Variants in ASXL2 observed in about 807,000 individuals in gnomAD.
ASXL2 encodes the protein ASXL transcriptional regulator 2, also known as putative Polycomb group protein ASXL2.
In ASXL2, 23 loss-of-function variants were observed where a neutral mutation model predicts 122.0. The observed-to-expected ratio is 0.19, with a 90% CI of 0.14 to 0.27. The LOEUF (loss-of-function observed/expected upper bound fraction) is 0.27, where lower values mean the gene tolerates loss of function less well. Ranked by LOEUF, ASXL2 falls within the 10% of genes least tolerant of loss-of-function variation. The pLI is 1.00. For synonymous variants in ASXL2, 650 were observed against 637.0 expected (o/e 1.02, Z -0.31); for missense variants, 1,518 against 1,713.8 (o/e 0.89, Z 2.02).
At chr2:25,788,088 T>C (rs1016666624) in intron 5 of ASXL2, among the ~76,000 whole-genome samples, 1 of 152,166 alleles carries the variant, frequency 6.6e-6, no homozygotes, top group African/African-American at 2.4e-5. Context: ...AATTGACTTA[T>C]GACAGAGAAC....
intron 4 of ASXL2, among the ~76,000 whole-genome samples, chr2:25,803,694 T>C (rs77905106): frequency 0.012 from 1,769 of 152,312 alleles, 29 homozygotes; most frequent in African/African-American, 0.04. Flanking sequence ...GTGCATGACC[T>C]AGATCCCTCA....
Position 25,739,737 on chromosome 2 carries a change from A to T in ASXL2, c.*2292T>A, listed in dbSNP as rs1226431721. The T allele has an allele frequency of 4.7e-6, 1 of 214,664 alleles. No individual in the cohort carries two copies. The highest frequency in any genetic ancestry group is 2.3e-5 in the African/African-American group (1 of 44,332). The allele number at this position is 214,664 out of a possible 1,614,324, so 13.3% of individuals were successfully genotyped here. A position where few individuals can be genotyped will look rare whatever the true frequency, so the allele number is the denominator to read the frequency against. On this transcript the variant is annotated 3_prime_UTR_variant, in exon 13 of 13. Transcript: ENST00000435504. ...CTCCTTTCCTAGTTATAGTCTGTTCATCCCTAAGTTAAGGGTAGCACAGAG... is the reference window on the plus strand; with the variant it reads ...CTCCTTTCCTAGTTATAGTCTGTTCTTCCCTAAGTTAAGGGTAGCACAGAG...
At chr2:25,766,433 GTTTCTTAC>G (rs1386643629) in intron 8 of ASXL2, among the ~76,000 whole-genome samples, 1 of 152,160 alleles carries the variant, frequency 6.6e-6, no homozygotes, top group East Asian at 1.9e-4. Context: ...GGTGTTCCAA[GTTTCTTAC>G]TTTTTCTCTC....
intron 4 of ASXL2, among the ~76,000 whole-genome samples, chr2:25,800,125 C>T (rs1209133317): frequency 1.3e-5 from 2 of 152,024 alleles, no homozygotes; most frequent in South Asian, 4.2e-4. Context: ...GAAACCCCAC[C>T]TCTACAAAAA....
At chr2:25,748,474 C>G (rs1358205587) in intron 12 of ASXL2, among the ~76,000 whole-genome samples, 2 of 151,398 alleles carry the variant, frequency 1.3e-5, no homozygotes, top group Non-Finnish European at 2.9e-5. Flanking sequence ...CCACTGCACT[C>G]CAGCCTGGAC....
Position 25,744,078 on chromosome 2 carries a change from C to T in ASXL2, c.2259G>A (p.Gln753=), listed in dbSNP as rs372739742. The T allele has an allele frequency of 6.2e-7, 1 of 1,613,880 alleles. No homozygotes were observed. Among genetic ancestry groups the T allele is most frequent in the Non-Finnish European group, 8.5e-7 (1 of 1,179,900 alleles). ...LLPCGPETQP[Q]SETKTTPSQA... is the part of the protein sequence containing the mutation. ...GGCTTGGGGTGGTCTTGGTCTCAGA[C>T]TGGGGCTGAGTCTCTGGACCACAGG... Residue 753 remains glutamine (Q), a synonymous_variant, in exon 13 of 13, where the codon CAG becomes CAA. Coordinates refer to ENST00000435504, the MANE Select transcript of ASXL2 (RefSeq NM_018263.6). This position sits in a 1 kb window ranked among gnomAD's most constrained non-coding sequence, Gnocchi z 4.7.
chr2:25,778,985 T>C (rs2088590345), intron 5 of ASXL2, among the ~76,000 whole-genome samples: 2 of 151,954 alleles, frequency 1.3e-5, no homozygotes, highest in African/African-American at 4.8e-5. Flanking sequence ...TTTCAGTGGC[T>C]AGAACAAGAA....
intron 1 of ASXL2, among the ~76,000 whole-genome samples, chr2:25,861,561 A>C (rs1488495615): frequency 6.6e-6 from 1 of 152,214 alleles, no homozygotes; most frequent in Admixed American, 6.5e-5. Context: ...AATTCTCTAC[A>C]ATATCTTCCA....
rs753102876 is a variant in ASXL2, at chr2:25,743,595, A to AGCTGATCCAGCAGGT, written c.2727_2741dup (p.Ala911_Pro915dup). 2 of 1,614,022 alleles carry AGCTGATCCAGCAGGT rather than the reference A, an allele frequency of 1.2e-6. No homozygotes were observed. The highest frequency in any genetic ancestry group is 4.5e-5 in the East Asian group (2 of 44,880). On this transcript the variant is annotated inframe_insertion, in exon 13 of 13. Transcript: ENST00000435504. ...CTGCTGGCAAAGTGCTCGAGGGTGGAGCTGATCCAGCAGGTGCTGTAGTTG... is the reference window on the plus strand; with the variant it reads ...CTGCTGGCAAAGTGCTCGAGGGTGGAGCTGATCCAGCAGGTGCTGATCCAGCAGGTGCTGTAGTTG...
chr2:25,766,072 A>T (rs917338434), intron 8 of ASXL2, among the ~76,000 whole-genome samples: 2 of 152,216 alleles, frequency 1.3e-5, no homozygotes, highest in African/African-American at 2.4e-5. Context: ...GTAAATGAAT[A>T]CAGAATAAAT....
chr2:25,847,913 A>G (rs1389172917), intron 1 of ASXL2, among the ~76,000 whole-genome samples: 1 of 152,244 alleles, frequency 6.6e-6, no homozygotes, highest in African/African-American at 2.4e-5. Context: ...TTTTGTGTAC[A>G]TATTCAATAT....
intron 12 of ASXL2, among the ~76,000 whole-genome samples, chr2:25,745,506 C>A (rs564828573): frequency 2.0e-5 from 3 of 149,128 alleles, no homozygotes; most frequent in African/African-American, 5.0e-5. Context: ...AGCCACAGCA[C>A]CCAGCCTGAA....
rs1226371210 is a variant in ASXL2, at chr2:25,738,035, C to T, written c.*3994G>A. 1 of 152,092 alleles carries T rather than the reference C, an allele frequency of 6.6e-6. No homozygotes were observed. The highest frequency in any genetic ancestry group is 1.5e-5 in the Non-Finnish European group (1 of 68,008). The allele number at this position is 152,092 out of a possible 1,614,324, so 9.4% of individuals were successfully genotyped here. On this transcript the variant is annotated 3_prime_UTR_variant, in exon 13 of 13. Transcript: ENST00000435504. ...AAAAATAAACCCCAAAACTATTCCC[C>T]TTATTGCATTTTTCTGAAATAATCT...
chr2:25,802,385 T>C (rs564687803), intron 4 of ASXL2, among the ~76,000 whole-genome samples: 1 of 152,290 alleles, frequency 6.6e-6, no homozygotes, highest in Non-Finnish European at 1.5e-5. Flanking sequence ...TATTGTGATA[T>C]AGTATGAAAT....
chr2:25,744,353 C>T lies in ASXL2; in HGVS notation c.1984G>A (p.Ala662Thr). Residue 662 changes from alanine to threonine, a missense_variant, in exon 13 of 13, where the codon GCA becomes ACA. Around this residue, in one of 8 missense-constraint regions of ASXL2, gnomAD observed 48 missense variants for 82.1 expected, o/e 0.58. Transcript: ENST00000435504. The surrounding 1 kb of genome is among the most constrained non-coding windows in gnomAD (Gnocchi z 4.7). ...TGARTLADIKAKAQLVKAQRA... is the reference protein window; with the variant it reads ...TGARTLADIKTKAQLVKAQRA... ...TGTGCTTTGACCAGTTGGGCTTTTG[C>T]TTTGATGTCTGCAAGAGTTCTGGCT... 6.2e-7 allele frequency: 1 copy of T among 1,613,974 alleles called. No individual in the cohort carries two copies. Among genetic ancestry groups the T allele is most frequent in the Non-Finnish European group, 8.5e-7 (1 of 1,179,878 alleles).
chr2:25,796,204 A>G (rs746186867), intron 5 of ASXL2, among the ~76,000 whole-genome samples: 11 of 152,250 alleles, frequency 7.2e-5, no homozygotes, highest in Non-Finnish European at 1.3e-4. Flanking sequence ...TTTCTAATAT[A>G]GGCATAGTAA....
intron 5 of ASXL2, among the ~76,000 whole-genome samples, chr2:25,775,337 AG>A (rs1645878954): frequency 6.6e-6 from 1 of 152,148 alleles, no homozygotes; most frequent in Non-Finnish European, 1.5e-5. Context: ...CATGTTGGCC[AG>A]GCTGGTCTCA....
intron 1 of ASXL2, among the ~76,000 whole-genome samples, chr2:25,864,226 C>G (rs995995597): frequency 6.6e-6 from 1 of 152,124 alleles, no homozygotes; most frequent in South Asian, 2.1e-4. Context: ...TAAGAAAACA[C>G]TCTTAATGCC....
At chr2:25,804,780 T>C (rs2089055004) in intron 4 of ASXL2, among the ~76,000 whole-genome samples, 1 of 152,228 alleles carries the variant, frequency 6.6e-6, no homozygotes, top group Non-Finnish European at 1.5e-5. Context: ...CCGGGCACGG[T>C]GGCTCACGCC....
Sources: gnomAD v4.1 joint callset for allele counts (sites outside exome capture counted in the v4.1 genomes callset) on GRCh38, gnomAD v4.1.1 for gene constraint, gnomAD v4.1.1 regional missense constraint, Gnocchi (gnomAD v3.1) non-coding constraint, MANE v1.5 for transcripts, NCBI Gene and HGNC (gene_info 2026-07-23, HGNC 2026-07-21) for gene names.